Variants in GATAD2A observed in about 807,000 individuals in gnomAD.
GATAD2A encodes GATA zinc finger domain containing 2A.
A neutral mutation model predicts 68.5 loss-of-function variants in GATAD2A; 12 were observed. The observed-to-expected ratio is 0.18, with a 90% CI of 0.11 to 0.28. The LOEUF (loss-of-function observed/expected upper bound fraction) is 0.28. Among genes scored for constraint, GATAD2A ranks in the 10% least tolerant of loss-of-function variants. The pLI, the probability that GATAD2A is intolerant of heterozygous loss-of-function variation, is 1.00. For synonymous variants in GATAD2A, 410 were observed against 375.3 expected (o/e 1.09, Z -1.07); for missense variants, 755 against 868.5 (o/e 0.87, Z 1.64).
rs953815685 is a variant in GATAD2A, at chr19:19,507,343, C to CTTGAG, written c.*1869_*1870insTTGAG. ...CAAATAAATACCTGTCTCCTACGAC[C>CTTGAG]CTGAGCTGTTAGCCCTCTCTGTTCC... is the stretch of plus-strand genomic sequence containing the variant. On this transcript the variant is annotated 3_prime_UTR_variant, in exon 12 of 12. Transcript: ENST00000683918. 2.6e-5 allele frequency: 4 copies of CTTGAG among 152,150 alleles called. No homozygotes were observed. The highest frequency in any genetic ancestry group is 5.9e-5 in the Non-Finnish European group (4 of 68,036). 9.4% of individuals were successfully genotyped at this position (152,150 alleles called of 1,614,324 possible).
rs755527603 is a variant in GATAD2A, at chr19:19,507,887, G to A, written c.*2413G>A. 5.3e-5 allele frequency: 8 copies of A among 152,288 alleles called. No individual in the cohort carries two copies. The East Asian group carries it at 5.8e-4, about 11-fold the overall frequency. 9.4% of individuals were successfully genotyped at this position (152,288 alleles called of 1,614,324 possible). On this transcript the variant is annotated 3_prime_UTR_variant, in exon 12 of 12. Coordinates refer to ENST00000683918, the MANE Select transcript of GATAD2A (RefSeq NM_001384528.1). Reference sequence around the variant, plus strand: ...ATAACCTCTACGATAAGCCCCAAGCGGGTTGTTGTATTATGACGTTTATGA... The same window carrying A: ...ATAACCTCTACGATAAGCCCCAAGCAGGTTGTTGTATTATGACGTTTATGA...
chr19:19,498,935 A>G (rs932838640), intron 8 of GATAD2A, among the ~76,000 whole-genome samples: 1 of 152,226 alleles, frequency 6.6e-6, no homozygotes, highest in Admixed American at 6.5e-5. Context: ...CGAGAGGCTC[A>G]GGGTCCAGGG....
chr19:19,418,960 G>A (rs537894889), intron 1 of GATAD2A, among the ~76,000 whole-genome samples: 8 of 152,286 alleles, frequency 5.3e-5, no homozygotes, highest in African/African-American at 1.9e-4. Context: ...TATCAGATGA[G>A]TTAGGTGGGA....
At chr19:19,463,797 C>T (rs944656928) in intron 1 of GATAD2A, among the ~76,000 whole-genome samples, 2 of 152,174 alleles carry the variant, frequency 1.3e-5, no homozygotes, top group African/African-American at 2.4e-5. Flanking sequence ...TGTTTCAAGC[C>T]GGTGCCCGGG....
intron 2 of GATAD2A, among the ~76,000 whole-genome samples, chr19:19,492,097 A>G (rs534581722): frequency 3.5e-4 from 54 of 152,314 alleles, no homozygotes; most frequent in African/African-American, 1.3e-3. Flanking sequence ...CAGGGTGCCC[A>G]CCTGGGCACT....
At chr19:19,428,762 G>C (rs547216924) in intron 1 of GATAD2A, among the ~76,000 whole-genome samples, 5 of 152,154 alleles carry the variant, frequency 3.3e-5, no homozygotes, top group Non-Finnish European at 5.9e-5. Flanking sequence ...GGGGAGTGCA[G>C]AGTGTGGGCA....
intron 1 of GATAD2A, among the ~76,000 whole-genome samples, chr19:19,451,481 A>T (rs1490687953): frequency 1.3e-5 from 2 of 152,168 alleles, no homozygotes; most frequent in Non-Finnish European, 2.9e-5. Flanking sequence ...CAAATCAGTT[A>T]TTGTGGCTTC....
chr19:19,494,904 G>C (rs1486339591), intron 5 of GATAD2A, among the ~76,000 whole-genome samples: 1 of 152,164 alleles, frequency 6.6e-6, no homozygotes, highest in Non-Finnish European at 1.5e-5. Context: ...TCAGGAGTGA[G>C]CCCAGGTTTG....
chr19:19,483,067 T>C (rs1272342952), intron 2 of GATAD2A, among the ~76,000 whole-genome samples: 1 of 152,120 alleles, frequency 6.6e-6, no homozygotes, highest in Non-Finnish European at 1.5e-5. Context: ...TAGAAGGCGT[T>C]CTGGCAGCGC....
chr19:19,400,676 ATCTTT>A (rs750543965), upstream of GATAD2A, among the ~76,000 whole-genome samples: 28 of 152,290 alleles, frequency 1.8e-4, no homozygotes, highest in Admixed American at 5.2e-4. Flanking sequence ...TTAATAATTA[ATCTTT>A]TCTTTTCTTT....
At chr19:19,425,316 G>A (rs2052948572) in intron 1 of GATAD2A, among the ~76,000 whole-genome samples, 1 of 152,032 alleles carries the variant, frequency 6.6e-6, no homozygotes, top group Non-Finnish European at 1.5e-5. Context: ...GGAGCCTTTT[G>A]GGATCCTCCC....
chr19:19,483,422 A>C (rs1433925679), intron 2 of GATAD2A, among the ~76,000 whole-genome samples: 2 of 152,184 alleles, frequency 1.3e-5, no homozygotes, highest in Non-Finnish European at 2.9e-5. Context: ...TGGGCCCCAC[A>C]AAGCAGGCTC....
At chr19:19,475,689 G>C (rs1178216031) in intron 2 of GATAD2A, among the ~76,000 whole-genome samples, 1 of 152,254 alleles carries the variant, frequency 6.6e-6, no homozygotes, top group Non-Finnish European at 1.5e-5. Context: ...GTTCCCTTGG[G>C]AATCTGTTTT....
chr19:19,473,621 G>T (rs1271948868), intron 2 of GATAD2A, among the ~76,000 whole-genome samples: 1 of 152,046 alleles, frequency 6.6e-6, no homozygotes, highest in African/African-American at 2.4e-5. Flanking sequence ...ACCCACCACG[G>T]TGAGCATGCG....
chr19:19,416,765 C>CT (rs1026312560), intron 1 of GATAD2A, among the ~76,000 whole-genome samples: 41 of 149,478 alleles, frequency 2.7e-4, no homozygotes, highest in African/African-American at 8.6e-4. Context: ...TTTTTTTAAA[C>CT]TTTTTTTTTG....
intron 10 of GATAD2A, 114 bp downstream of exon 10, chr19:19,502,157 C>T (rs1284417431): frequency 2.2e-6 from 2 of 902,706 alleles, no homozygotes; most frequent in African/African-American, 1.6e-5. Context: ...TTCTGTTTCA[C>T]TCTCTCCCCT....
At chr19:19,411,215 C>T (rs1358187106) in intron 1 of GATAD2A, among the ~76,000 whole-genome samples, 2 of 152,356 alleles carry the variant, frequency 1.3e-5, no homozygotes, top group East Asian at 1.9e-4. Flanking sequence ...CATTATTCGG[C>T]GGCTGGGACC....
intron 1 of GATAD2A, among the ~76,000 whole-genome samples, chr19:19,450,880 C>G (rs2056311284): frequency 6.6e-6 from 1 of 151,830 alleles, no homozygotes; most frequent in African/African-American, 2.4e-5. Flanking sequence ...AAGCAATTCC[C>G]CTGCCTCAGC....
intron 1 of GATAD2A, among the ~76,000 whole-genome samples, chr19:19,425,115 T>G (rs972703122): frequency 6.7e-6 from 1 of 148,874 alleles, no homozygotes; most frequent in Middle Eastern, 3.3e-3. Context: ...AAGAATAGAA[T>G]AACTGGAGGT....
Sources: allele counts gnomAD v4.1 joint callset (sites outside exome capture counted in the v4.1 genomes callset), GRCh38; gene constraint gnomAD v4.1.1; transcripts MANE v1.5; gene names NCBI Gene and HGNC (gene_info 2026-07-23, HGNC 2026-07-21).